Variants in CRYBG3 observed in about 807,000 individuals in gnomAD.
CRYBG3 encodes crystallin beta-gamma domain containing 3.
A neutral mutation model predicts 244.2 loss-of-function variants in CRYBG3; 127 were observed. The ratio of observed to expected loss-of-function variants is 0.52; its 90% confidence interval spans 0.45 to 0.60. CRYBG3 has a LOEUF of 0.60. Ranked by LOEUF, CRYBG3 falls within the 20% of genes least tolerant of loss-of-function variation. The probability of loss-of-function intolerance (pLI) is 0.00; values close to 1 mark genes in which losing one functional copy is unlikely to be tolerated. For missense variants in CRYBG3, 3,325 were observed against 3,442.5 expected (o/e 0.97, Z 0.85); for synonymous variants, 1,132 against 1,195.8 (o/e 0.95, Z 1.10).
rs2040289313 is a variant in CRYBG3, at chr3:97,943,809, A to G, written c.*495A>G. The G allele has an allele frequency of 6.5e-6, 1 of 153,320 alleles. No individual in the cohort carries two copies. Among genetic ancestry groups the G allele is most frequent in the Non-Finnish European group, 1.4e-5 (1 of 68,998 alleles). The allele number at this position is 153,320 out of a possible 1,614,324, so 9.5% of individuals were successfully genotyped here. A position where few individuals can be genotyped will look rare whatever the true frequency, so the allele number is the denominator to read the frequency against. ...ACCTGAAAATATACTAAACTTTCCT[A>G]GATAAACTTTAAGGTTTCTATACTG... On this transcript the variant is annotated 3_prime_UTR_variant, in exon 22 of 22. Transcript: ENST00000389622.
chr3:97,935,859 C>T (rs1319413509), intron 18 of CRYBG3, among the ~76,000 whole-genome samples: 2 of 152,010 alleles, frequency 1.3e-5, no homozygotes, highest in Non-Finnish European at 2.9e-5. Context: ...CAAGCCAGGA[C>T]AACCCCTGCC....
chr3:97,943,149 A>G, intron 21 of CRYBG3, 77 bp from the exon 22 acceptor site: 2 of 790,794 alleles, frequency 2.5e-6, no homozygotes, highest in Non-Finnish European at 4.3e-6. Context: ...TGAGCTGAAC[A>G]GAAGCTTGTG....
At chr3:97,938,582 A>T (rs772780541) in intron 19 of CRYBG3, among the ~76,000 whole-genome samples, 2 of 151,896 alleles carry the variant, frequency 1.3e-5, no homozygotes, top group Non-Finnish European at 2.9e-5. Context: ...ACCACTCATG[A>T]GTTCTGTTGG....
chr3:97,940,417 AATAAC>A (rs1037136301), intron 19 of CRYBG3, among the ~76,000 whole-genome samples: 2 of 152,052 alleles, frequency 1.3e-5, no homozygotes, highest in African/African-American at 4.8e-5. Context: ...TATTCTGACA[AATAAC>A]ATAATGGCAC....
chr3:97,886,868 C>G, intron 8 of CRYBG3, 101 bp downstream of exon 8: 1 of 998,876 alleles, frequency 1.0e-6, no homozygotes, highest in Non-Finnish European at 1.5e-6. Context: ...AATGTTTATA[C>G]TCTCAGTCAC....
chr3:97,871,952 C>T lies in CRYBG3; in HGVS notation c.758C>T (p.Thr253Ile). The change falls in exon 4 of 22, where the codon ACC becomes ATC. Residue 253 changes from threonine (T) to isoleucine (I), a missense_variant. Around this residue, in one of 4 missense-constraint regions of CRYBG3, gnomAD observed 1,526 missense variants for 1,443.2 expected, o/e 1.06. Transcript: ENST00000389622. ...CAGACAGGCTTGGCAACTGTGAATACCTTGGACAGAGAAAATGAAAGTTCT... is the reference window on the plus strand; with the variant it reads ...CAGACAGGCTTGGCAACTGTGAATATCTTGGACAGAGAAAATGAAAGTTCT... ...KQQTGLATVN[T>I]LDRENESSDS... 1 of 1,535,736 alleles carries T rather than the reference C, an allele frequency of 6.5e-7. No homozygotes were observed. Among genetic ancestry groups the T allele is most frequent in the Middle Eastern group, 1.7e-4 (1 of 5,988 alleles).
intron 3 of CRYBG3, among the ~76,000 whole-genome samples, chr3:97,867,654 T>C (rs2108208111): frequency 6.6e-6 from 1 of 152,354 alleles, no homozygotes; most frequent in African/African-American, 2.4e-5. Flanking sequence ...ATATTTTACT[T>C]TTCTTCTTAC....
rs564668970 is a variant in CRYBG3 at position 97,908,621 on chromosome 3, T to C, written c.8005-3546T>C. ...CTTCATAGATCTTCCTCCATCCTTTTATTTTGAGCCTATGTGTGTCTCTGC... is the reference window on the plus strand; with the variant it reads ...CTTCATAGATCTTCCTCCATCCTTTCATTTTGAGCCTATGTGTGTCTCTGC... On this transcript the variant is annotated intron_variant, in intron 15 of 21. Transcript: ENST00000389622. 5.9e-5 allele frequency among the ~76,000 whole-genome samples: 9 copies of C among 152,328 alleles called. No individual in the cohort carries two copies. The South Asian group carries it at 1.9e-3, about 32-fold the overall frequency.
intron 19 of CRYBG3, among the ~76,000 whole-genome samples, chr3:97,938,909 T>A (rs529760610): frequency 1.1e-3 from 174 of 152,060 alleles, no homozygotes; most frequent in African/African-American, 4.0e-3. Context: ...GACCTTTACA[T>A]CTTGCTTATT....
chr3:97,822,392 A>G (rs767301983), intron 1 of CRYBG3, 37 bp downstream of exon 1: 1,001 of 1,434,088 alleles, frequency 7.0e-4, no homozygotes, highest in Non-Finnish European at 8.9e-4. Context: ...GGGGCCCTGC[A>G]CATATTCGCG....
intron 1 of CRYBG3, among the ~76,000 whole-genome samples, chr3:97,839,755 C>CAT (rs1559714501): frequency 6.8e-6 from 1 of 146,280 alleles, no homozygotes. Flanking sequence ...GCCCAGCCCC[C>CAT]TTTTTTTTTT....
At chr3:97,850,186 C>T (rs566824362) in intron 2 of CRYBG3, among the ~76,000 whole-genome samples, 3 of 152,214 alleles carry the variant, frequency 2.0e-5, no homozygotes, top group South Asian at 4.1e-4. Context: ...GTTTTATCTC[C>T]CTTCCCATTG....
chr3:97,841,284 G>T (rs948529734), intron 1 of CRYBG3, among the ~76,000 whole-genome samples: 1 of 148,636 alleles, frequency 6.7e-6, no homozygotes, highest in African/African-American at 2.5e-5. Context: ...GTACATATAG[G>T]TGCGTACACC....
chr3:97,832,111 T>C (rs527772066), intron 1 of CRYBG3, among the ~76,000 whole-genome samples: 19 of 151,984 alleles, frequency 1.3e-4, no homozygotes, highest in African/African-American at 4.3e-4. Context: ...GAATCGATAT[T>C]GTGAAAATGG....
chr3:97,936,136 G>A (rs186819759), intron 18 of CRYBG3, among the ~76,000 whole-genome samples: 73 of 152,216 alleles, frequency 4.8e-4, no homozygotes, highest in Middle Eastern at 3.4e-3. Flanking sequence ...GGTAGTGCAA[G>A]AGCAGCCGTA....
intron 17 of CRYBG3, among the ~76,000 whole-genome samples, chr3:97,919,097 G>A (rs1240062842): frequency 1.3e-5 from 2 of 152,134 alleles, no homozygotes; most frequent in African/African-American, 4.8e-5. Flanking sequence ...GAAAATGAAA[G>A]GAGGTGAAAT....
intron 1 of CRYBG3, among the ~76,000 whole-genome samples, chr3:97,841,691 G>A (rs978523125): frequency 2.0e-5 from 3 of 151,810 alleles, no homozygotes; most frequent in African/African-American, 2.4e-5. Flanking sequence ...ACCACTATTC[G>A]ACATCTGGCC....
rs929535059 is a variant in CRYBG3, at chr3:97,871,904, A to T, written c.710A>T (p.His237Leu). The part of the protein sequence containing the change: ...VTYATYRGPR[H>L]IGKYLKQQTG... ...TATGCAACATATCGAGGCCCAAGAC[A>T]CATTGGGAAATATTTAAAGCAACAG... Residue 237 changes from histidine (H) to leucine (L), a missense_variant, in exon 4 of 22, where the codon CAC becomes CTC. Transcript: ENST00000389622. The T allele has an allele frequency of 6.5e-7, 1 of 1,534,996 alleles. No homozygotes were observed. The highest frequency in any genetic ancestry group is 2.0e-5 in the Admixed American group (1 of 50,814).
chr3:97,892,835 A>G lies in CRYBG3; in HGVS notation c.7441-25A>G, dbSNP rs549563933. On this transcript the variant is annotated intron_variant, in intron 10 of 21. Coordinates refer to ENST00000389622, the MANE Select transcript of CRYBG3 (RefSeq NM_153605.4). ...AGTAAATATGTGTCTATATTAAAAT[A>G]TAAACATGTTAAATAATTTTTCAGG... 4.6e-5 allele frequency: 59 copies of G among 1,276,100 alleles called. No individual in the cohort carries two copies. In the East Asian group the frequency reaches 1.5e-3, roughly 33 times the overall value. The allele number at this position is 1,276,100 out of a possible 1,614,324, so 79.0% of individuals were successfully genotyped here.
Sources: gnomAD v4.1 joint callset for allele counts (sites outside exome capture counted in the v4.1 genomes callset) on GRCh38, gnomAD v4.1.1 for gene constraint, gnomAD v4.1.1 regional missense constraint, MANE v1.5 for transcripts, NCBI Gene and HGNC (gene_info 2026-07-23, HGNC 2026-07-21) for gene names.